The following RIMS2 variants were observed in gnomAD, a reference collection of about 807,000 sequenced individuals.
RIMS2 encodes the protein regulating synaptic membrane exocytosis 2, also known as regulating synaptic membrane exocytosis protein 2.
Under a neutral mutation model 174.4 loss-of-function variants are expected in RIMS2, and 59 were observed. The observed-to-expected ratio is 0.34, with a 90% CI of 0.27 to 0.42. The LOEUF is 0.42. Ranked by LOEUF, RIMS2 falls within the 10% of genes least tolerant of loss-of-function variation. The probability of loss-of-function intolerance (pLI) is 1.00; values close to 1 mark genes in which losing one functional copy is unlikely to be tolerated. For synonymous variants in RIMS2, 606 were observed against 572.5 expected (o/e 1.06, Z -0.84); for missense variants, 1,620 against 1,666.3 (o/e 0.97, Z 0.48).
At chr8:103,605,345 G>A (rs576923440) in intron 1 of RIMS2, among the ~76,000 whole-genome samples, 1 of 140,048 alleles carries the variant, frequency 7.1e-6, no homozygotes, top group African/African-American at 2.8e-5. Flanking sequence ...TCCCAGGGAT[G>A]AAGCCCACTT....
chr8:103,709,161 A>G (rs915878904), intron 2 of RIMS2, among the ~76,000 whole-genome samples: 1 of 152,156 alleles, frequency 6.6e-6, no homozygotes, highest in Non-Finnish European at 1.5e-5. Flanking sequence ...AATCACAGTC[A>G]TTGTAGTTTT....
intron 1 of RIMS2, among the ~76,000 whole-genome samples, chr8:103,661,764 C>CA (rs1374337401): frequency 6.6e-6 from 1 of 152,210 alleles, no homozygotes; most frequent in Non-Finnish European, 1.5e-5. Flanking sequence ...CTTGGTCTCC[C>CA]AACGTGCTAG....
chr8:103,906,516 G>A (rs2074437430), intron 4 of RIMS2, among the ~76,000 whole-genome samples: 1 of 152,172 alleles, frequency 6.6e-6, no homozygotes, highest in Non-Finnish European at 1.5e-5. Flanking sequence ...TAAGTGCTGG[G>A]ATTACAGGCG....
intron 1 of RIMS2, chr8:103,559,320 G>T: frequency 4.8e-6 from 1 of 208,332 alleles, no homozygotes; most frequent in Non-Finnish European, 9.9e-6. Flanking sequence ...TCCATTTTCT[G>T]CCTCCCCATA....
At chr8:103,539,963 C>A (rs571240487) in intron 1 of RIMS2, among the ~76,000 whole-genome samples, 1 of 152,244 alleles carries the variant, frequency 6.6e-6, no homozygotes, top group Non-Finnish European at 1.5e-5. Flanking sequence ...AGCCACCTAA[C>A]AGAGCAAGAA....
At chr8:103,949,124 CAAAAAAAAAAAAA>C (rs533642917) in intron 14 of RIMS2, among the ~76,000 whole-genome samples, 5 of 44,098 alleles carry the variant, frequency 1.1e-4, no homozygotes, top group Admixed American at 6.8e-4. Flanking sequence ...GAGACTCTGT[CAAAAAAAAAAAAA>C]AAAAAAAAAA....
intron 1 of RIMS2, among the ~76,000 whole-genome samples, chr8:103,600,364 G>A (rs1007914457): frequency 6.6e-6 from 1 of 152,080 alleles, no homozygotes; most frequent in Admixed American, 6.5e-5. Flanking sequence ...CTGCCTCCTG[G>A]GTTCGAGCAA....
At chr8:104,073,542 T>C (rs2097233010) in intron 19 of RIMS2, among the ~76,000 whole-genome samples, 1 of 152,202 alleles carries the variant, frequency 6.6e-6, no homozygotes, top group Non-Finnish European at 1.5e-5. Context: ...ATAGCAGTTA[T>C]ATCATAATTT....
chr8:103,871,947 A>T (rs2099114294), intron 3 of RIMS2, among the ~76,000 whole-genome samples: 1 of 152,170 alleles, frequency 6.6e-6, no homozygotes, highest in South Asian at 2.1e-4. Context: ...TACAATAATA[A>T]AGTCTCTGGA....
At chr8:103,644,177 C>T (rs1439685961) in intron 1 of RIMS2, among the ~76,000 whole-genome samples, 4 of 151,938 alleles carry the variant, frequency 2.6e-5, no homozygotes, top group Non-Finnish European at 5.9e-5. Context: ...TAGAAGTAGT[C>T]TACCCTGAGC....
chr8:104,200,405 T>C (rs1328768718), intron 19 of RIMS2, among the ~76,000 whole-genome samples: 1 of 151,992 alleles, frequency 6.6e-6, no homozygotes, highest in Non-Finnish European at 1.5e-5. Flanking sequence ...TCTAGGAAAA[T>C]AAATCTGGCA....
chr8:104,141,650 T>G (rs970464319), intron 19 of RIMS2, among the ~76,000 whole-genome samples: 6 of 152,238 alleles, frequency 3.9e-5, no homozygotes, highest in African/African-American at 1.4e-4. Context: ...CATGTAGGCC[T>G]TATCCTGTCT....
At chr8:103,605,331 T>C (rs1382155713) in intron 1 of RIMS2, among the ~76,000 whole-genome samples, 3 of 142,260 alleles carry the variant, frequency 2.1e-5, no homozygotes, top group South Asian at 2.2e-4. Context: ...GAACCAGCCT[T>C]GCATCCCAGG....
At chr8:103,672,533 C>T (rs1315008719) in intron 1 of RIMS2, among the ~76,000 whole-genome samples, 1 of 151,810 alleles carries the variant, frequency 6.6e-6, no homozygotes. Flanking sequence ...ATTGTAGGAG[C>T]ATGGCTAGAA....
chr8:103,787,415 G>A (rs1237692553), intron 3 of RIMS2, among the ~76,000 whole-genome samples: 1 of 151,190 alleles, frequency 6.6e-6, no homozygotes, highest in Non-Finnish European at 1.5e-5. Context: ...GGTACCGGTT[G>A]TTCCTTTCCA....
At chr8:103,912,316 A>G in intron 6 of RIMS2, 144 bp downstream of exon 9, 1 of 474,286 alleles carries the variant, frequency 2.1e-6, no homozygotes, top group Non-Finnish European at 3.6e-6. Flanking sequence ...CTCATTATCT[A>G]AAACATTTCA....
chr8:103,560,404 A>C (rs28470319), intron 1 of RIMS2, among the ~76,000 whole-genome samples: 27,677 of 152,064 alleles, frequency 0.18, 2,760 homozygotes, highest in African/African-American at 0.26. Context: ...AAAAATAGCT[A>C]AGTTTAGACT....
At chr8:103,787,942 C>T (rs2098459397) in intron 3 of RIMS2, among the ~76,000 whole-genome samples, 1 of 152,022 alleles carries the variant, frequency 6.6e-6, no homozygotes, top group Non-Finnish European at 1.5e-5. Context: ...TCACATAGTC[C>T]CATACTTCTT....
At chr8:103,568,462 G>A in intron 1 of RIMS2, 1 of 223,650 alleles carries the variant, frequency 4.5e-6, no homozygotes, top group Non-Finnish European at 9.0e-6. Context: ...GTAACTGTTG[G>A]TAAGGCTTAC....
Sources: allele counts gnomAD v4.1 joint callset (sites outside exome capture counted in the v4.1 genomes callset), GRCh38; gene constraint gnomAD v4.1.1; transcripts MANE v1.5; gene names NCBI Gene and HGNC (gene_info 2026-07-23, HGNC 2026-07-21).